CC2D2B: variants seen among roughly 807,000 people sequenced by gnomAD.
The protein encoded by CC2D2B is protein CC2D2B.
Under a neutral mutation model 161.2 loss-of-function variants are expected in CC2D2B, and 128 were observed. The ratio of observed to expected loss-of-function variants is 0.79; its 90% CI spans 0.69 to 0.92. CC2D2B has a LOEUF of 0.92. Ranked by LOEUF, CC2D2B falls within the 40% of genes least tolerant of loss-of-function variation. The probability of loss-of-function intolerance (pLI) is 0.00; values close to 1 mark genes in which losing one functional copy is unlikely to be tolerated. For synonymous variants in CC2D2B, 391 were observed against 449.8 expected (o/e 0.87, Z 1.65); for missense variants, 1,173 against 1,375.1 (o/e 0.85, Z 2.32).
intron 32 of CC2D2B, 149 bp downstream of exon 32, chr10:96,019,973 C>G: frequency 3.2e-6 from 2 of 631,936 alleles, no homozygotes; most frequent in Non-Finnish European, 5.2e-6. Context: ...TCTCTGCCAT[C>G]CAGCTCACAG....
rs931051231 is a variant in CC2D2B, at chr10:95,982,200, G to A, written c.2082+87G>A. The A allele has an allele frequency of 3.3e-5, 32 of 959,502 alleles. No homozygotes were observed. In the African/African-American group the frequency reaches 4.9e-4, roughly 15 times the overall value. The allele number at this position is 959,502 out of a possible 1,614,324, so 59.4% of individuals were successfully genotyped here. A position where few individuals can be genotyped will look rare whatever the true frequency, so the allele number is the denominator to read the frequency against. On this transcript the variant is annotated intron_variant, in intron 18 of 34. Coordinates refer to ENST00000646931, the MANE Select transcript of CC2D2B (RefSeq NM_001349008.3). Reference sequence around the variant, plus strand: ...AGTATAGTTTCCCCCATAGTTTGCTGTATATTTTTCTAGGCTCTTGGGGTT... The same window carrying A: ...AGTATAGTTTCCCCCATAGTTTGCTATATATTTTTCTAGGCTCTTGGGGTT...
rs1165394515 is a variant in CC2D2B at position 95,938,848 on chromosome 10, A to G, written c.724A>G (p.Ile242Val). 1 of 715,502 alleles carries G rather than the reference A, an allele frequency of 1.4e-6. No individual in the cohort carries two copies. The highest frequency in any genetic ancestry group is 1.5e-5 in the South Asian group (1 of 67,030). The allele number at this position is 715,502 out of a possible 1,614,324, so 44.3% of individuals were successfully genotyped here. A position where few individuals can be genotyped will look rare whatever the true frequency, so the allele number is the denominator to read the frequency against. ...SGEIMSLPTP[I>V]KQSWNFRLNV... ...AGAAATAATGTCATTACCTACACCT[A>G]TTAAACAGTCATGGAATTTCAGACT... Residue 242 changes from isoleucine to valine, a missense_variant, in exon 9 of 35, where the codon ATT (isoleucine) becomes GTT (valine). Ile to Val is a conservative substitution (Grantham distance 29). Transcript: ENST00000646931.
chr10:95,980,088 A>G (rs1178314103), intron 17 of CC2D2B, among the ~76,000 whole-genome samples: 1 of 152,186 alleles, frequency 6.6e-6, no homozygotes, highest in African/African-American at 2.4e-5. Flanking sequence ...CAACAACCAA[A>G]GAGTTTCCCA....
chr10:95,975,604 A>T (rs1263498564), intron 17 of CC2D2B, among the ~76,000 whole-genome samples: 1 of 152,228 alleles, frequency 6.6e-6, no homozygotes, highest in Non-Finnish European at 1.5e-5. Flanking sequence ...TATTGGAAAG[A>T]GTATAAGGTC....
At chr10:96,013,276 T>C (rs2079063346) in intron 28 of CC2D2B, among the ~76,000 whole-genome samples, 2 of 152,222 alleles carry the variant, frequency 1.3e-5, no homozygotes, top group South Asian at 4.1e-4. Flanking sequence ...ATAACTTCTA[T>C]TGTTTGACAA....
intron 24 of CC2D2B, among the ~76,000 whole-genome samples, chr10:96,003,703 G>A (rs542384112): frequency 4.0e-5 from 6 of 151,150 alleles, no homozygotes; most frequent in East Asian, 2.0e-4. Context: ...TGATCCACCC[G>A]CCTCGGCCTC....
chr10:96,031,879 T>G lies in CC2D2B; in HGVS notation c.4185T>G (p.Val1395=), dbSNP rs771001492. ...YIDVQSIIDA[V]YQTGIHSAEF... is the part of the protein sequence containing the mutation. Reference sequence around the variant, plus strand: ...ATGTACAGTCAATTATTGATGCTGTTTATCAAACTGGAATTCACTCTGCTG... The same window carrying G: ...ATGTACAGTCAATTATTGATGCTGTGTATCAAACTGGAATTCACTCTGCTG... Residue 1395 remains valine (V), a synonymous_variant, in exon 35 of 35, where the codon GTT becomes GTG. Transcript: ENST00000646931. 6.2e-7 allele frequency: 1 copy of G among 1,613,800 alleles called. No homozygotes were observed. Among genetic ancestry groups the G allele is most frequent in the South Asian group, 1.1e-5 (1 of 91,064 alleles).
In CC2D2B at chr10:95,966,786, AT is replaced by A. The variant is rs757968691; in HGVS notation, c.1466+488del. On this transcript the variant is annotated intron_variant, in intron 14 of 34. Coordinates refer to ENST00000646931, the MANE Select transcript of CC2D2B (RefSeq NM_001349008.3). Reference sequence around the variant, plus strand: ...TCACATCAAGAGGGCCCCCTAAACAATTTTCTTCTTTGACATTACAAACTTC... The same window carrying A: ...TCACATCAAGAGGGCCCCCTAAACAATTTCTTCTTTGACATTACAAACTTC... Among the ~76,000 whole-genome samples, 4 of 151,864 alleles carry A rather than the reference AT, an allele frequency of 2.6e-5. No individual in the cohort carries two copies. The East Asian group carries it at 5.8e-4, about 22-fold the overall frequency.
At chr10:96,003,563 C>T (rs1017295414) in intron 24 of CC2D2B, among the ~76,000 whole-genome samples, 27 of 150,506 alleles carry the variant, frequency 1.8e-4, no homozygotes, top group African/African-American at 6.4e-4. Flanking sequence ...GGATTACAAC[C>T]GCCTGCCACC....
rs12413241 is a variant in CC2D2B at position 95,994,841 on chromosome 10, C to A, written c.2643-428C>A. Reference sequence around the variant, plus strand: ...ACTAATGACTGATAATGTCCATGATCATCTCTATATCTAATCTGTATTATA... The same window carrying A: ...ACTAATGACTGATAATGTCCATGATAATCTCTATATCTAATCTGTATTATA... On this transcript the variant is annotated intron_variant, in intron 22 of 34. Transcript: ENST00000646931. Among the ~76,000 whole-genome samples, 8,647 of 152,224 alleles carry A rather than the reference C, an allele frequency of 0.057. 1,156 individuals are homozygous for A. The East Asian group carries it at 0.57, about 10-fold the overall frequency.
rs745372380 is a variant in CC2D2B, at chr10:95,938,117, G to A, written c.463G>A (p.Ala155Thr). ...ILTDILKVKA[A>T]DYEDDQEQIK... Reference sequence around the variant, plus strand: ...GACAGATATACTCAAAGTAAAAGCTGCTGACTATGAAGATGATCAAGAACA... The same window carrying A: ...GACAGATATACTCAAAGTAAAAGCTACTGACTATGAAGATGATCAAGAACA... Residue 155 changes from alanine (A) to threonine (T), a missense_variant, in exon 7 of 35, where the codon GCT (alanine) becomes ACT (threonine). This residue lies in a region of CC2D2B where 298 missense variants were observed against 261.2 expected (regional missense o/e 1.14). Transcript: ENST00000646931. The A allele has an allele frequency of 6.5e-6, 10 of 1,549,800 alleles. No homozygotes were observed. The highest frequency in any genetic ancestry group is 8.7e-6 in the Non-Finnish European group (10 of 1,145,390).
At chr10:96,009,751 A>C in intron 25 of CC2D2B, 74 bp from the exon 26 acceptor site, 4 of 547,054 alleles carry the variant, frequency 7.3e-6, no homozygotes, top group Non-Finnish European at 9.1e-6. Flanking sequence ...GACTTTTTAT[A>C]TTTACCTGTG....
intron 12 of CC2D2B, 117 bp from the exon 13 acceptor site, chr10:95,965,779 T>G: frequency 2.7e-6 from 1 of 370,032 alleles, no homozygotes. Flanking sequence ...TTGTAAGAGA[T>G]TGGTTTTGTG....
At chr10:95,954,072 C>T (rs1192720515) in intron 10 of CC2D2B, among the ~76,000 whole-genome samples, 1 of 152,102 alleles carries the variant, frequency 6.6e-6, no homozygotes, top group Non-Finnish European at 1.5e-5. Flanking sequence ...AGCAATTGAA[C>T]AAAACTGGTG....
intron 9 of CC2D2B, among the ~76,000 whole-genome samples, chr10:95,943,596 C>T (rs2076095855): frequency 1.3e-5 from 2 of 152,080 alleles, no homozygotes; most frequent in South Asian, 4.1e-4. Context: ...TTTAATTCTT[C>T]TGTAAATATT....
At position 96,033,644 on chromosome 10, in the gene CC2D2B, G is replaced by A. The variant is rs1178958339; in HGVS notation, c.*1636G>A. On this transcript the variant is annotated 3_prime_UTR_variant, in exon 35 of 35. Coordinates refer to ENST00000646931, the MANE Select transcript of CC2D2B (RefSeq NM_001349008.3). ...TTTAGAATTGATAGACTGCTTAAGA[G>A]TAGGGTAGCAAGTGTTCATAGGAAA... Among the ~76,000 whole-genome samples the A allele has an allele frequency of 6.6e-6, 1 of 152,186 alleles. No homozygotes were observed. The highest frequency in any genetic ancestry group is 1.5e-5 in the Non-Finnish European group (1 of 68,038).
At chr10:96,027,153 T>C in intron 33 of CC2D2B, 59 bp from the exon 34 acceptor site, 1 of 1,238,898 alleles carries the variant, frequency 8.1e-7, no homozygotes, top group Non-Finnish European at 1.1e-6. Context: ...AAAACTCTTA[T>C]TATATTTACC....
chr10:95,968,982 G>A, intron 15 of CC2D2B, 81 bp downstream of exon 15: 1 of 572,036 alleles, frequency 1.7e-6, no homozygotes, highest in Non-Finnish European at 2.6e-6. Flanking sequence ...AGTTATATGT[G>A]ATAAGTAATT....
Position 96,013,792 on chromosome 10 carries a change from T to G in CC2D2B, c.3431T>G (p.Leu1144Arg), listed in dbSNP as rs755526424. 1 of 1,593,752 alleles carries G rather than the reference T, an allele frequency of 6.3e-7. No homozygotes were observed. Among genetic ancestry groups the G allele is most frequent in the South Asian group, 1.1e-5 (1 of 89,560 alleles). Reference sequence around the variant, plus strand: ...TAAATGTGAATATTATTCTAGGACCTCATTGCTCGATTTGTATCTTTGATT... The same window carrying G: ...TAAATGTGAATATTATTCTAGGACCGCATTGCTCGATTTGTATCTTTGATT... The part of the protein sequence containing the change: ...FLHNSNATFD[L>R]IARFVSLIPF... Residue 1144 changes from leucine (L) to arginine (R), a missense_variant, in exon 29 of 35, where the codon CTC (leucine) becomes CGC (arginine). This residue lies in a region of CC2D2B where 598 missense variants were observed against 693.2 expected (regional missense o/e 0.86). Coordinates refer to ENST00000646931, the MANE Select transcript of CC2D2B (RefSeq NM_001349008.3).
Sources: allele counts gnomAD v4.1 joint callset (sites outside exome capture counted in the v4.1 genomes callset), GRCh38; gene constraint gnomAD v4.1.1; regional missense constraint gnomAD v4.1.1; transcripts MANE v1.5; gene names NCBI Gene and HGNC (gene_info 2026-07-23, HGNC 2026-07-21).